The following PTPN21 variants were observed in gnomAD, a reference collection of about 807,000 sequenced individuals.
PTPN21 encodes protein tyrosine phosphatase non-receptor type 21.
In PTPN21, 77 loss-of-function variants were observed where a neutral mutation model predicts 131.8. The ratio of observed to expected loss-of-function variants is 0.58; its 90% CI spans 0.49 to 0.71. The LOEUF is 0.71. Ranked by LOEUF, PTPN21 falls within the 30% of genes least tolerant of loss-of-function variation. The pLI is 0.00. For synonymous variants in PTPN21, 715 were observed against 621.3 expected (o/e 1.15, Z -2.24); for missense variants, 1,552 against 1,527.1 (o/e 1.02, Z -0.27).
intron 15 of PTPN21, among the ~76,000 whole-genome samples, chr14:88,471,196 G>C (rs1370746729): frequency 2.0e-5 from 3 of 152,162 alleles, no homozygotes; most frequent in Non-Finnish European, 1.5e-5. Flanking sequence ...GAAAGCCTTG[G>C]TGTCAGCTTG....
chr14:88,469,941 G>A lies in PTPN21; in HGVS notation c.2981C>T (p.Ala994Val), dbSNP rs765670524. The change falls in exon 16 of 19, where the codon GCA (alanine) becomes GTA (valine). Residue 994 changes from alanine to valine, a missense_variant. This residue lies in a region of PTPN21 where 316 missense variants were observed against 378.5 expected (regional missense o/e 0.83). Coordinates refer to ENST00000556564, the MANE Select transcript of PTPN21 (RefSeq NM_007039.4). The surrounding 1 kb of genome is among the most constrained non-coding windows in gnomAD (Gnocchi z 4.3). ...ACCTACCTCTTCTGCTGTCACCATT[G>A]CTATAATTGCAATTCCCTGTTCCCA... ...MVWEQGIAII[A>V]MVTAEEEGGR... 6.2e-7 allele frequency: 1 copy of A among 1,613,988 alleles called. No homozygotes were observed. The highest frequency in any genetic ancestry group is 1.1e-5 in the South Asian group (1 of 91,080).
At position 88,479,107 on chromosome 14, in the gene PTPN21, C is replaced by A. The variant is rs754160079; in HGVS notation, c.2324G>T (p.Ser775Ile). 6.4e-7 allele frequency: 1 copy of A among 1,570,120 alleles called. No individual in the cohort carries two copies. The highest frequency in any genetic ancestry group is 1.2e-5 in the South Asian group (1 of 84,922). The part of the protein sequence containing the change: ...PDAEKRMMDS[S>I]PVRTTAEAQR... ...GGCCTCTGCGGTCGTGCGGACGGGG[C>A]TGCTGTCCATCATCCTCTTCTCCGC... The change falls in exon 13 of 19, where the codon AGC becomes ATC. Residue 775 changes from serine (S) to isoleucine (I), a missense_variant. This residue lies in a region of PTPN21 where 1,016 missense variants were observed against 883.5 expected (regional missense o/e 1.15). Transcript: ENST00000556564.
chr14:88,494,425 TGA>T (rs2077872447), intron 10 of PTPN21, among the ~76,000 whole-genome samples: 1 of 151,866 alleles, frequency 6.6e-6, no homozygotes, highest in African/African-American at 2.4e-5. Flanking sequence ...TCCAGCCCTT[TGA>T]GAGGCCGGGG....
At chr14:88,494,938 G>A (rs923278357) in intron 10 of PTPN21, among the ~76,000 whole-genome samples, 9 of 149,456 alleles carry the variant, frequency 6.0e-5, no homozygotes, top group African/African-American at 2.2e-4. Context: ...ACTTGAACCC[G>A]GGAGGCGGAG....
Position 88,539,537 on chromosome 14 carries a change from C to T in PTPN21, c.180+10701G>A, listed in dbSNP as rs141538434. 1.6e-3 allele frequency among the ~76,000 whole-genome samples: 246 copies of T among 152,264 alleles called. 1 individual carries two copies. The highest frequency in any genetic ancestry group is 5.4e-3 in the African/African-American group (224 of 41,542). On this transcript the variant is annotated intron_variant, in intron 2 of 18. Coordinates refer to ENST00000556564, the MANE Select transcript of PTPN21 (RefSeq NM_007039.4). Reference sequence around the variant, plus strand: ...TGCCGGGATTACAGACATGAGCCACCACGCCTGGCCTTCTTTCCCTTTATT... The same window carrying T: ...TGCCGGGATTACAGACATGAGCCACTACGCCTGGCCTTCTTTCCCTTTATT...
chr14:88,491,144 A>G (rs1402921020), intron 10 of PTPN21, among the ~76,000 whole-genome samples: 1 of 152,240 alleles, frequency 6.6e-6, no homozygotes, highest in Non-Finnish European at 1.5e-5. Flanking sequence ...ACAGATTGTT[A>G]TCCATCTAAC....
At chr14:88,513,607 T>C (rs897967373) in intron 3 of PTPN21, 1 of 152,228 alleles carries the variant, frequency 6.6e-6, no homozygotes, top group Non-Finnish European at 1.5e-5. Flanking sequence ...GGCACCAAAG[T>C]GTTTGCTCGC....
intron 2 of PTPN21, among the ~76,000 whole-genome samples, chr14:88,530,294 A>G (rs1396234001): frequency 2.0e-5 from 3 of 152,236 alleles, no homozygotes. Flanking sequence ...ATCTTGAAAC[A>G]AAACCTCAAA....
At chr14:88,523,993 GA>G (rs1266746090) in intron 2 of PTPN21, among the ~76,000 whole-genome samples, 1 of 152,056 alleles carries the variant, frequency 6.6e-6, no homozygotes, top group Non-Finnish European at 1.5e-5. Context: ...TAAATAAATA[GA>G]AAGATATCCC....
chr14:88,527,885 T>C (rs1296809260), intron 2 of PTPN21, among the ~76,000 whole-genome samples: 12 of 152,188 alleles, frequency 7.9e-5, no homozygotes, highest in Admixed American at 7.9e-4. Flanking sequence ...TTGTCAATTA[T>C]CCCAGCACCA....
intron 12 of PTPN21, among the ~76,000 whole-genome samples, chr14:88,484,045 G>T (rs910446933): frequency 2.4e-4 from 31 of 130,170 alleles, no homozygotes; most frequent in African/African-American, 9.1e-4. Context: ...AGATTCTAAG[G>T]TGTTTTTTTT....
chr14:88,546,293 C>T (rs1012303717), intron 2 of PTPN21, among the ~76,000 whole-genome samples: 1 of 151,682 alleles, frequency 6.6e-6, no homozygotes, highest in African/African-American at 2.4e-5. Flanking sequence ...CACGTTGGCT[C>T]ACTCCTGTAA....
chr14:88,506,363 A>G (rs2078087176), intron 4 of PTPN21, among the ~76,000 whole-genome samples: 2 of 152,282 alleles, frequency 1.3e-5, no homozygotes, highest in Admixed American at 1.3e-4. Context: ...ACACACATAC[A>G]TGTAAATACA....
At chr14:88,517,695 TGC>T (rs1470415349) in intron 2 of PTPN21, among the ~76,000 whole-genome samples, 1 of 84,552 alleles carries the variant, frequency 1.2e-5, no homozygotes, top group African/African-American at 3.9e-5. Context: ...TACATATGTG[TGC>T]GTATGTGTAT....
intron 2 of PTPN21, among the ~76,000 whole-genome samples, chr14:88,531,522 A>G (rs896034293): frequency 6.6e-6 from 1 of 152,170 alleles, no homozygotes; most frequent in African/African-American, 2.4e-5. Context: ...GCGCCACTGC[A>G]CTCCAGCCTG....
chr14:88,508,486 C>T (rs1406609270), intron 3 of PTPN21, among the ~76,000 whole-genome samples: 2 of 152,076 alleles, frequency 1.3e-5, no homozygotes, highest in Non-Finnish European at 1.5e-5. Flanking sequence ...AGTCCTCAAC[C>T]ACATGACACT....
intron 10 of PTPN21, among the ~76,000 whole-genome samples, chr14:88,492,512 C>T (rs557552189): frequency 2.6e-5 from 4 of 152,286 alleles, no homozygotes; most frequent in South Asian, 2.1e-4. Flanking sequence ...GATGGGGACT[C>T]GGATGCAAAC....
At chr14:88,548,187 C>T (rs2078809918) in intron 2 of PTPN21, among the ~76,000 whole-genome samples, 1 of 152,156 alleles carries the variant, frequency 6.6e-6, no homozygotes, top group South Asian at 2.1e-4. Flanking sequence ...ACCTGAACCA[C>T]TCCCCTCAAA....
intron 2 of PTPN21, among the ~76,000 whole-genome samples, chr14:88,534,846 C>T (rs569415010): frequency 6.6e-6 from 1 of 152,184 alleles, no homozygotes; most frequent in South Asian, 2.1e-4. Context: ...CACTGCACTC[C>T]AACCTGGGCA....
Sources: gnomAD v4.1 joint callset for allele counts (sites outside exome capture counted in the v4.1 genomes callset) on GRCh38, gnomAD v4.1.1 for gene constraint, gnomAD v4.1.1 regional missense constraint, Gnocchi (gnomAD v3.1) non-coding constraint, MANE v1.5 for transcripts, NCBI Gene and HGNC (gene_info 2026-07-23, HGNC 2026-07-21) for gene names.